Variants in CHKA observed in about 807,000 individuals in gnomAD.
CHKA encodes the protein CHETK-alpha.
A neutral mutation model predicts 60.1 loss-of-function variants in CHKA; 34 were observed. The observed-to-expected ratio is 0.57, with a 90% CI of 0.43 to 0.75. The LOEUF is 0.75. Ranked by LOEUF, CHKA falls within the 30% of genes least tolerant of loss-of-function variation. The pLI is 0.00. For synonymous variants in CHKA, 217 were observed against 223.1 expected, an observed-to-expected ratio of 0.97 and a Z score of 0.24; for missense variants, 563 against 561.3, an observed-to-expected ratio of 1.00 and a Z score of -0.03.
At chr11:68,091,590 G>C in intron 2 of CHKA, among the ~76,000 whole-genome samples, 1 of 152,200 alleles carries the variant, frequency 6.6e-6, no homozygotes, top group East Asian at 1.9e-4. Context: ...GGCTAGAAGA[G>C]ACAGATGTTT....
At chr11:68,064,469 ATATAGTC>A (rs1856372017) in intron 10 of CHKA, 49 bp downstream of exon 10, 1 of 876,604 alleles carries the variant, frequency 1.1e-6, no homozygotes, top group African/African-American at 1.7e-5. Flanking sequence ...CATCTCCCAA[ATATAGTC>A]TATAAAGAGG....
At chr11:68,080,435 C>A (rs969202099) in intron 3 of CHKA, among the ~76,000 whole-genome samples, 1 of 152,068 alleles carries the variant, frequency 6.6e-6, no homozygotes, top group African/African-American at 2.4e-5. Flanking sequence ...GCAACCTCCG[C>A]CTCCCAGGTT....
At chr11:68,080,284 A>G (rs1209976383) in intron 3 of CHKA, among the ~76,000 whole-genome samples, 2 of 152,206 alleles carry the variant, frequency 1.3e-5, no homozygotes, top group Non-Finnish European at 2.9e-5. Context: ...AAAAGTGTGG[A>G]AAAAATATCA....
chr11:68,085,630 TTTTAC>T (rs938576969), intron 2 of CHKA, among the ~76,000 whole-genome samples: 3 of 152,222 alleles, frequency 2.0e-5, no homozygotes, highest in Non-Finnish European at 4.4e-5. Flanking sequence ...GGACTTTCAT[TTTTAC>T]TTTATTTCTA....
intron 2 of CHKA, among the ~76,000 whole-genome samples, chr11:68,085,752 G>GT (rs1049978097): frequency 1.3e-5 from 2 of 151,792 alleles, no homozygotes; most frequent in Non-Finnish European, 2.9e-5. Flanking sequence ...AGGCTTTGGG[G>GT]TTTTTTTGTT....
intron 1 of CHKA, among the ~76,000 whole-genome samples, chr11:68,102,417 T>C (rs192319120): frequency 1.3e-5 from 2 of 152,346 alleles, no homozygotes; most frequent in African/African-American, 2.4e-5. Context: ...TACAGCTACC[T>C]GATTTTCAAC....
chr11:68,057,825 T>C (rs1462548457), intron 11 of CHKA, among the ~76,000 whole-genome samples: 2 of 152,224 alleles, frequency 1.3e-5, no homozygotes, highest in Non-Finnish European at 2.9e-5. Context: ...GGCCTTTCTG[T>C]TGAGTACCAG....
At position 68,081,397 on chromosome 11, in the gene CHKA, T is replaced by C. The variant is rs777708587; in HGVS notation, c.516+7A>G. 1.2e-6 allele frequency: 2 copies of C among 1,611,700 alleles called. No homozygotes were observed. The highest frequency in any genetic ancestry group is 1.7e-6 in the Non-Finnish European group (2 of 1,177,830). On this transcript the variant is annotated splice_region_variant and intron_variant, in intron 3 of 11. Transcript: ENST00000265689. ...TCACACAGATGCAGAAAGACTGAAT[T>C]ACTTACTTGAAATTCATTTTCTTTC... is the stretch of plus-strand genomic sequence containing the variant.
At chr11:68,104,760 G>C (rs1857852081) in intron 1 of CHKA, among the ~76,000 whole-genome samples, 2 of 151,952 alleles carry the variant, frequency 1.3e-5, no homozygotes, top group Admixed American at 1.3e-4. Context: ...TAAACATTAT[G>C]AATAATGCTC....
chr11:68,067,206 C>T (rs979561269), intron 7 of CHKA, among the ~76,000 whole-genome samples: 2 of 152,208 alleles, frequency 1.3e-5, no homozygotes, highest in Non-Finnish European at 2.9e-5. Context: ...AGCCAACCTT[C>T]GCTAGGTTTT....
At chr11:68,067,255 A>G (rs992626593) in intron 7 of CHKA, among the ~76,000 whole-genome samples, 2 of 152,214 alleles carry the variant, frequency 1.3e-5, no homozygotes, top group African/African-American at 4.8e-5. Context: ...GTGGAGGTAT[A>G]GTGTCTAGGC....
chr11:68,101,088 C>T (rs1254426263), intron 1 of CHKA, among the ~76,000 whole-genome samples: 1 of 151,708 alleles, frequency 6.6e-6, no homozygotes, highest in Non-Finnish European at 1.5e-5. Flanking sequence ...GCTGGGACTA[C>T]AGGCGCCCAC....
chr11:68,111,767 G>A (rs1220748071), intron 1 of CHKA, among the ~76,000 whole-genome samples: 1 of 151,480 alleles, frequency 6.6e-6, no homozygotes, highest in African/African-American at 2.4e-5. Flanking sequence ...AATGGTCCTG[G>A]AACATGCCCG....
chr11:68,102,793 T>C (rs1009272589), intron 1 of CHKA, among the ~76,000 whole-genome samples: 1 of 152,018 alleles, frequency 6.6e-6, no homozygotes, highest in Non-Finnish European at 1.5e-5. Context: ...TTGCAAACTA[T>C]ACATCAGTTA....
At chr11:68,059,561 T>G (rs966852797) in intron 11 of CHKA, among the ~76,000 whole-genome samples, 2 of 152,256 alleles carry the variant, frequency 1.3e-5, no homozygotes, top group African/African-American at 4.8e-5. Context: ...TACTGCTTTA[T>G]GTATATCCCA....
chr11:68,089,140 C>T (rs1054510607), intron 2 of CHKA, among the ~76,000 whole-genome samples: 1 of 152,164 alleles, frequency 6.6e-6, no homozygotes, highest in African/African-American at 2.4e-5. Flanking sequence ...CAACACAAGC[C>T]AGCAGAAAGA....
intron 6 of CHKA, among the ~76,000 whole-genome samples, 194 bp downstream of exon 6, chr11:68,069,995 G>A (rs1298539974): frequency 1.3e-5 from 2 of 152,166 alleles, no homozygotes; most frequent in Non-Finnish European, 2.9e-5. Flanking sequence ...CCACGTGTGG[G>A]CTTCTAGTCC....
intron 1 of CHKA, among the ~76,000 whole-genome samples, chr11:68,108,625 T>C (rs879365312): frequency 2.6e-5 from 4 of 152,080 alleles, no homozygotes; most frequent in African/African-American, 4.8e-5. Context: ...GCGCCTGTAG[T>C]CCCAGCCACT....
chr11:68,090,174 A>G (rs1004964222), intron 2 of CHKA, among the ~76,000 whole-genome samples: 1 of 152,244 alleles, frequency 6.6e-6, no homozygotes, highest in Non-Finnish European at 1.5e-5. Flanking sequence ...GTAATTTGGC[A>G]ACTATCTTGG....
Sources: gnomAD v4.1 joint callset for allele counts (sites outside exome capture counted in the v4.1 genomes callset) on GRCh38, gnomAD v4.1.1 for gene constraint, MANE v1.5 for transcripts, NCBI Gene and HGNC (gene_info 2026-07-23, HGNC 2026-07-21) for gene names.